Variants in GPC6 observed in about 807,000 individuals in gnomAD.
The protein encoded by GPC6 is glypican-6.
Under a neutral mutation model 55.2 loss-of-function variants are expected in GPC6, and 14 were observed. The observed-to-expected ratio is 0.25, with a 90% CI of 0.17 to 0.40. The LOEUF (loss-of-function observed/expected upper bound fraction) is 0.40, where lower values mean the gene tolerates loss of function less well. Among genes scored for constraint, GPC6 ranks in the 10% least tolerant of loss-of-function variants. The pLI, the probability that GPC6 is intolerant of heterozygous loss-of-function variation, is 1.00. For missense variants in GPC6, 641 were observed against 708.5 expected (o/e 0.90, Z 1.08); for synonymous variants, 278 against 259.6 (o/e 1.07, Z -0.68).
chr13:94,222,047 G>A (rs540899574), intron 4 of GPC6, among the ~76,000 whole-genome samples: 3 of 151,390 alleles, frequency 2.0e-5, no homozygotes, highest in South Asian at 4.2e-4. Flanking sequence ...TTTTCTGCCC[G>A]ATTCTAGTGG....
intron 1 of GPC6, among the ~76,000 whole-genome samples, chr13:93,483,666 T>TA (rs1566380073): frequency 6.6e-6 from 1 of 152,142 alleles, no homozygotes; most frequent in Non-Finnish European, 1.5e-5. Flanking sequence ...AATTTAGTAA[T>TA]AAAAAGAGCC....
intron 6 of GPC6, among the ~76,000 whole-genome samples, chr13:94,322,989 A>G (rs1876913583): frequency 6.6e-6 from 1 of 152,124 alleles, no homozygotes. Context: ...TCATGCATTT[A>G]TTCCCTGCCT....
At chr13:94,272,496 T>A (rs1892067882) in intron 4 of GPC6, among the ~76,000 whole-genome samples, 1 of 132,860 alleles carries the variant, frequency 7.5e-6, no homozygotes, top group Non-Finnish European at 1.6e-5. Flanking sequence ...TGAAACAGAG[T>A]CTCACTCTGT....
intron 1 of GPC6, among the ~76,000 whole-genome samples, chr13:93,320,951 G>GC (rs71123477): frequency 0.37 from 56,317 of 151,774 alleles, 10,506 homozygotes; most frequent in East Asian, 0.46. Context: ...AATGGTTTTT[G>GC]TTTTTTCTCT....
chr13:93,651,585 A>G (rs138517187), intron 2 of GPC6, among the ~76,000 whole-genome samples: 102 of 152,228 alleles, frequency 6.7e-4, no homozygotes, highest in African/African-American at 2.4e-3. Flanking sequence ...ACTCTTTCAG[A>G]ACCTAATTCA....
chr13:93,702,879 G>A lies in GPC6; in HGVS notation c.320-127275G>A, dbSNP rs140279541. Reference sequence around the variant, plus strand: ...TTAGGCTTTGGCTGAAGGAAATGCTGTGGCTGGTTTGATCTTCTATCCAGA... The same window carrying A: ...TTAGGCTTTGGCTGAAGGAAATGCTATGGCTGGTTTGATCTTCTATCCAGA... On this transcript the variant is annotated intron_variant, in intron 2 of 8. Coordinates refer to ENST00000377047, the MANE Select transcript of GPC6 (RefSeq NM_005708.5). Among the ~76,000 whole-genome samples, 48 of 152,138 alleles carry A rather than the reference G, an allele frequency of 3.2e-4. No individual in the cohort carries two copies. The East Asian group carries it at 9.1e-3, about 29-fold the overall frequency.
chr13:94,363,785 C>CT (rs1381633644), intron 6 of GPC6, among the ~76,000 whole-genome samples: 2 of 152,196 alleles, frequency 1.3e-5, no homozygotes, highest in Admixed American at 6.5e-5. Context: ...ATTTTGAAAC[C>CT]TGTGCCATCT....
intron 6 of GPC6, among the ~76,000 whole-genome samples, chr13:94,351,428 T>A (rs1878537377): frequency 1.3e-5 from 2 of 152,046 alleles, no homozygotes; most frequent in African/African-American, 4.8e-5. Context: ...GGTTTTCTAG[T>A]GTACCAGAGC....
chr13:93,390,054 G>C (rs1875557998), intron 1 of GPC6, among the ~76,000 whole-genome samples: 3 of 151,888 alleles, frequency 2.0e-5, no homozygotes, highest in Admixed American at 2.0e-4. Context: ...CAGAAGCCTG[G>C]ATCTCTTAAT....
At chr13:93,571,210 G>A (rs917329821) in intron 2 of GPC6, among the ~76,000 whole-genome samples, 8 of 151,978 alleles carry the variant, frequency 5.3e-5, no homozygotes, top group East Asian at 1.9e-4. Flanking sequence ...TAACATTCTC[G>A]TCCCAAGCCT....
At chr13:93,881,774 C>T (rs1241633847) in intron 3 of GPC6, among the ~76,000 whole-genome samples, 1 of 152,040 alleles carries the variant, frequency 6.6e-6, no homozygotes, top group African/African-American at 2.4e-5. Flanking sequence ...AATCCAATAT[C>T]CTAGTGTTCA....
chr13:93,614,826 C>T (rs1878647922), intron 2 of GPC6, among the ~76,000 whole-genome samples: 10 of 152,108 alleles, frequency 6.6e-5, no homozygotes, highest in Admixed American at 6.6e-4. Flanking sequence ...TTAGCAAAGA[C>T]AGAATATGTT....
At chr13:93,850,998 T>G (rs1173503466) in intron 3 of GPC6, among the ~76,000 whole-genome samples, 1 of 152,016 alleles carries the variant, frequency 6.6e-6, no homozygotes, top group Non-Finnish European at 1.5e-5. Context: ...TTGTAGGCTG[T>G]ACTTCATTGT....
chr13:93,418,992 A>G (rs1018646122), intron 1 of GPC6, among the ~76,000 whole-genome samples: 12 of 151,278 alleles, frequency 7.9e-5, no homozygotes, highest in South Asian at 2.1e-4. Flanking sequence ...ATAGCACTAT[A>G]CCATAGTATC....
intron 4 of GPC6, among the ~76,000 whole-genome samples, chr13:94,055,010 A>G (rs571466176): frequency 6.6e-6 from 1 of 152,310 alleles, no homozygotes; most frequent in African/African-American, 2.4e-5. Flanking sequence ...AATGACTAGA[A>G]GTAATAATTA....
At chr13:93,726,054 T>A in intron 2 of GPC6, among the ~76,000 whole-genome samples, 1 of 150,334 alleles carries the variant, frequency 6.7e-6, no homozygotes, top group East Asian at 2.0e-4. Flanking sequence ...ATTCACTTCA[T>A]GGAGGACAAC....
chr13:93,988,262 C>G (rs986933669), intron 3 of GPC6, among the ~76,000 whole-genome samples: 5 of 152,112 alleles, frequency 3.3e-5, no homozygotes, highest in African/African-American at 1.2e-4. Context: ...TTGTCAGGGT[C>G]TGTGAAGCCA....
intron 1 of GPC6, among the ~76,000 whole-genome samples, chr13:93,303,145 T>C (rs1878738315): frequency 6.6e-6 from 1 of 152,222 alleles, no homozygotes; most frequent in Admixed American, 6.5e-5. Flanking sequence ...TTTCTTACAC[T>C]ACTTCAATGG....
chr13:93,299,959 G>A (rs1485937553), intron 1 of GPC6, among the ~76,000 whole-genome samples: 1 of 152,172 alleles, frequency 6.6e-6, no homozygotes, highest in Non-Finnish European at 1.5e-5. Context: ...ATAGTATCTA[G>A]CAGATTTGCA....
Sources: allele counts gnomAD v4.1 joint callset (sites outside exome capture counted in the v4.1 genomes callset), GRCh38; gene constraint gnomAD v4.1.1; transcripts MANE v1.5; gene names NCBI Gene and HGNC (gene_info 2026-07-23, HGNC 2026-07-21).